The following TSHZ2 variants were observed in gnomAD, a reference collection of about 807,000 sequenced individuals.
TSHZ2 encodes the protein teashirt zinc finger homeobox 2, also known as teashirt homolog 2.
A neutral mutation model predicts 74.4 loss-of-function variants in TSHZ2; 21 were observed. The observed-to-expected ratio is 0.28, with a 90% CI of 0.20 to 0.41. TSHZ2 has a LOEUF of 0.41. Ranked by LOEUF, TSHZ2 falls within the 10% of genes least tolerant of loss-of-function variation. The pLI is 1.00. For synonymous variants in TSHZ2, 540 were observed against 515.3 expected (o/e 1.05, Z -0.65); for missense variants, 1,244 against 1,293.5 (o/e 0.96, Z 0.59).
intron 2 of TSHZ2, among the ~76,000 whole-genome samples, chr20:53,275,655 C>T (rs570293677): frequency 1.0e-3 from 153 of 152,166 alleles, no homozygotes; most frequent in Non-Finnish European, 1.8e-3. Flanking sequence ...TGCCTGGGCA[C>T]GCTGGCTCAT....
intron 1 of TSHZ2, among the ~76,000 whole-genome samples, chr20:53,238,501 G>T (rs547847544): frequency 2.6e-4 from 39 of 152,114 alleles, no homozygotes; most frequent in African/African-American, 8.2e-4. Context: ...TGGCCAAGCT[G>T]GTGTTCTGTG....
At chr20:53,101,447 C>A (rs1057113549) in intron 1 of TSHZ2, among the ~76,000 whole-genome samples, 1 of 152,154 alleles carries the variant, frequency 6.6e-6, no homozygotes, top group Non-Finnish European at 1.5e-5. Flanking sequence ...TAATATCCCA[C>A]CGTCGTTCTT....
At chr20:53,410,679 CTT>C (rs575638998) in intron 2 of TSHZ2, among the ~76,000 whole-genome samples, 6 of 134,878 alleles carry the variant, frequency 4.4e-5, no homozygotes, top group Admixed American at 7.5e-5. Flanking sequence ...TCATAAGCAC[CTT>C]TTTTTTTTTT....
chr20:53,340,173 C>CTGTGTTTTTT (rs1980126146), intron 2 of TSHZ2, among the ~76,000 whole-genome samples: 1 of 62,122 alleles, frequency 1.6e-5, no homozygotes, highest in African/African-American at 7.9e-5. Flanking sequence ...GGTGACTTTT[C>CTGTGTTTTTT]TTTCTTTTTT....
Position 53,160,744 on chromosome 20 carries a change from C to CAAAAAAAAAAAAAAAAAA in TSHZ2, c.41-92755_41-92754insAAAAAAAAAAAAAAAAAA, listed in dbSNP as rs1762991150. Among the ~76,000 whole-genome samples the CAAAAAAAAAAAAAAAAAA allele has an allele frequency of 4.3e-4, 30 of 69,094 alleles. 1 individual carries two copies. The highest frequency in any genetic ancestry group is 2.7e-3 in the African/African-American group (29 of 10,570). The allele number at this position is 69,094 out of a possible 152,430, so 45.3% of individuals were successfully genotyped here. A position where few individuals can be genotyped will look rare whatever the true frequency, so the allele number is the denominator to read the frequency against. ...TGGGTGACAGGGCAAGACTCTGTCT[C>CAAAAAAAAAAAAAAAAAA]CAAAAAAAAAAAAAAAAAAGACATT... On this transcript the variant is annotated intron_variant, in intron 1 of 2. Coordinates refer to ENST00000371497, the MANE Select transcript of TSHZ2 (RefSeq NM_173485.6).
chr20:53,287,170 A>G (rs1057372753), intron 2 of TSHZ2, among the ~76,000 whole-genome samples: 4 of 152,182 alleles, frequency 2.6e-5, no homozygotes, highest in African/African-American at 9.7e-5. Flanking sequence ...AACATACTCA[A>G]TATACTGAAC....
At chr20:53,148,115 T>C (rs1987589035) in intron 1 of TSHZ2, among the ~76,000 whole-genome samples, 1 of 152,240 alleles carries the variant, frequency 6.6e-6, no homozygotes, top group Admixed American at 6.5e-5. Context: ...TTTTGGAAAG[T>C]CTCTAAATTC....
intron 2 of TSHZ2, among the ~76,000 whole-genome samples, chr20:53,375,892 A>C (rs954905278): frequency 2.0e-5 from 3 of 152,286 alleles, no homozygotes; most frequent in South Asian, 2.1e-4. Context: ...TCATTTCTTT[A>C]TTTATTATTT....
intron 1 of TSHZ2, among the ~76,000 whole-genome samples, chr20:52,997,848 T>C (rs1600637485): frequency 6.6e-6 from 1 of 152,148 alleles, no homozygotes; most frequent in East Asian, 1.9e-4. Context: ...GGAAAATCTC[T>C]TTGCCTAAAC....
intron 2 of TSHZ2, among the ~76,000 whole-genome samples, chr20:53,293,218 T>C (rs1261966706): frequency 2.0e-5 from 3 of 152,174 alleles, no homozygotes; most frequent in Non-Finnish European, 2.9e-5. Context: ...ATCCCAGCAC[T>C]TTGGGAGGCC....
intron 2 of TSHZ2, among the ~76,000 whole-genome samples, chr20:53,448,684 C>T (rs1984655252): frequency 6.6e-6 from 1 of 152,128 alleles, no homozygotes; most frequent in Non-Finnish European, 1.5e-5. Flanking sequence ...AAGTAGGAGG[C>T]ATACAGCTCC....
chr20:52,978,474 T>G (rs1028144637), intron 1 of TSHZ2, among the ~76,000 whole-genome samples: 3 of 152,194 alleles, frequency 2.0e-5, no homozygotes, highest in Non-Finnish European at 4.4e-5. Context: ...TCAGCCACTA[T>G]TTCGAAGGCA....
chr20:53,219,016 A>C (rs1410340709), intron 1 of TSHZ2, among the ~76,000 whole-genome samples: 1 of 152,226 alleles, frequency 6.6e-6, no homozygotes, highest in African/African-American at 2.4e-5. Flanking sequence ...AATGAGAACC[A>C]CAGCTTGCTA....
intron 1 of TSHZ2, among the ~76,000 whole-genome samples, chr20:53,140,682 T>C (rs995058938): frequency 6.6e-6 from 1 of 152,102 alleles, no homozygotes; most frequent in African/African-American, 2.4e-5. Flanking sequence ...CAACCAGATC[T>C]GTATTATCTC....
chr20:53,441,555 G>A (rs1197917516), intron 2 of TSHZ2, among the ~76,000 whole-genome samples: 1 of 150,602 alleles, frequency 6.6e-6, no homozygotes, highest in Non-Finnish European at 1.5e-5. Flanking sequence ...CAAAGTGCTG[G>A]TATTACAAGC....
intron 2 of TSHZ2, among the ~76,000 whole-genome samples, chr20:53,353,513 C>T (rs550042586): frequency 6.6e-6 from 1 of 152,172 alleles, no homozygotes; most frequent in Non-Finnish European, 1.5e-5. Context: ...TTTTCTTCTA[C>T]ATTCATTTTT....
chr20:53,336,251 G>A (rs1330522330), intron 2 of TSHZ2, among the ~76,000 whole-genome samples: 1 of 152,166 alleles, frequency 6.6e-6, no homozygotes. Flanking sequence ...TGCCAAGAAA[G>A]GCTGAGAAAT....
rs183620903 is a variant in TSHZ2 at position 53,176,226 on chromosome 20, C to T, written c.41-77273C>T. Among the ~76,000 whole-genome samples, 698 of 152,312 alleles carry T rather than the reference C, an allele frequency of 4.6e-3. 5 individuals are homozygous for T. Among genetic ancestry groups the T allele is most frequent in the Admixed American group, 6.7e-3 (102 of 15,296 alleles). ...ATTTTCTCTCCCTCTTTCTTTTACC[C>T]GTTTTCCCCTCCTGTCTGTATCTTC... On this transcript the variant is annotated intron_variant, in intron 1 of 2. Transcript: ENST00000371497.
intron 1 of TSHZ2, among the ~76,000 whole-genome samples, chr20:52,993,202 TA>T (rs1436640689): frequency 6.6e-6 from 1 of 152,172 alleles, no homozygotes; most frequent in East Asian, 1.9e-4. Context: ...CTCATAAATT[TA>T]TTTTTTTTCA....
Sources: gnomAD v4.1 joint callset for allele counts (sites outside exome capture counted in the v4.1 genomes callset) on GRCh38, gnomAD v4.1.1 for gene constraint, MANE v1.5 for transcripts, NCBI Gene and HGNC (gene_info 2026-07-23, HGNC 2026-07-21) for gene names.